The following CERS3 variants were observed in gnomAD, a reference collection of about 807,000 sequenced individuals.
The protein encoded by CERS3 is ceramide synthase 3.
A neutral mutation model predicts 50.3 loss-of-function variants in CERS3; 33 were observed. The ratio of observed to expected loss-of-function variants is 0.66; its 90% CI spans 0.50 to 0.88. The LOEUF is 0.88. Ranked by LOEUF, CERS3 falls within the 40% of genes least tolerant of loss-of-function variation. The pLI, the probability that CERS3 is intolerant of heterozygous loss-of-function variation, is 0.00. For synonymous variants in CERS3, 176 were observed against 155.2 expected (o/e 1.13, Z -0.99); for missense variants, 470 against 460.3 (o/e 1.02, Z -0.19).
intron 1 of CERS3, among the ~76,000 whole-genome samples, chr15:100,523,377 CT>C (rs1340418299): frequency 6.6e-6 from 1 of 152,078 alleles, no homozygotes; most frequent in Non-Finnish European, 1.5e-5. Context: ...ATTTACAGAT[CT>C]TTTTCATCAT....
chr15:100,488,237 A>G (rs909604489), intron 4 of CERS3, among the ~76,000 whole-genome samples: 2 of 152,254 alleles, frequency 1.3e-5, no homozygotes, highest in Admixed American at 1.3e-4. Flanking sequence ...AGTAGATGTC[A>G]TATGCATGGA....
intron 11 of CERS3, among the ~76,000 whole-genome samples, chr15:100,404,168 G>A (rs1208874047): frequency 6.6e-5 from 10 of 152,114 alleles, no homozygotes; most frequent in Admixed American, 6.5e-4. Context: ...AAAAGAACAC[G>A]ACCCTGCTAA....
At chr15:100,534,196 T>G (rs558131778) in intron 1 of CERS3, among the ~76,000 whole-genome samples, 1 of 152,278 alleles carries the variant, frequency 6.6e-6, no homozygotes, top group East Asian at 1.9e-4. Flanking sequence ...AGGACAGGAC[T>G]CAACTTGCCT....
intron 8 of CERS3, among the ~76,000 whole-genome samples, chr15:100,474,692 T>C (rs558677884): frequency 6.6e-6 from 1 of 152,388 alleles, no homozygotes; most frequent in East Asian, 1.9e-4. Context: ...CGTGAGCCTC[T>C]GCGCCCAGCC....
chr15:100,445,165 C>T (rs1187578036), intron 11 of CERS3, among the ~76,000 whole-genome samples: 1 of 150,544 alleles, frequency 6.6e-6, no homozygotes, highest in Non-Finnish European at 1.5e-5. Flanking sequence ...TGTATAGACG[C>T]TCCTTTTTAT....
At chr15:100,431,638 GT>G (rs1408072568) in intron 11 of CERS3, among the ~76,000 whole-genome samples, 1 of 152,208 alleles carries the variant, frequency 6.6e-6, no homozygotes, top group East Asian at 1.9e-4. Flanking sequence ...CATTTTTCCA[GT>G]GGGGAGAAGA....
At chr15:100,530,509 C>T (rs2036911836), upstream of CERS3, among the ~76,000 whole-genome samples, 1 of 152,182 alleles carries the variant, frequency 6.6e-6, no homozygotes. Flanking sequence ...AGCCTCGGCC[C>T]TCTCTGTTCT....
intron 11 of CERS3, among the ~76,000 whole-genome samples, chr15:100,433,454 T>C (rs560425702): frequency 2.0e-5 from 3 of 152,118 alleles, no homozygotes; most frequent in South Asian, 2.1e-4. Flanking sequence ...AAAAAATATA[T>C]ACAAATTCCC....
At chr15:100,538,866 G>C (rs2037134786) in intron 1 of CERS3, among the ~76,000 whole-genome samples, 1 of 152,132 alleles carries the variant, frequency 6.6e-6, no homozygotes, top group Non-Finnish European at 1.5e-5. Flanking sequence ...CAAATTTTCT[G>C]AGCCTGTATG....
intron 3 of CERS3, among the ~76,000 whole-genome samples, chr15:100,492,351 G>C (rs1239219714): frequency 6.6e-6 from 1 of 152,080 alleles, no homozygotes; most frequent in Non-Finnish European, 1.5e-5. Context: ...CTTTAATTCT[G>C]TCAGTTTTTA....
At chr15:100,410,191 C>A (rs961298531) in intron 11 of CERS3, among the ~76,000 whole-genome samples, 1 of 152,310 alleles carries the variant, frequency 6.6e-6, no homozygotes, top group East Asian at 1.9e-4. Context: ...CTGCCCCCAA[C>A]GACTCCCTTT....
chr15:100,431,450 GT>G (rs915532457), intron 11 of CERS3, among the ~76,000 whole-genome samples: 10 of 151,428 alleles, frequency 6.6e-5, no homozygotes, highest in Non-Finnish European at 1.0e-4. Flanking sequence ...ATTTTTATCA[GT>G]TTTTTTTTCT....
chr15:100,521,932 T>C (rs1419959784), intron 1 of CERS3, among the ~76,000 whole-genome samples, 176 bp from the exon 2 acceptor site: 4 of 152,192 alleles, frequency 2.6e-5, no homozygotes, highest in Non-Finnish European at 1.5e-5. Flanking sequence ...TTTAAAACAA[T>C]TTGAGCCAAC....
intron 11 of CERS3, among the ~76,000 whole-genome samples, chr15:100,422,741 A>G (rs2032531700): frequency 8.4e-6 from 1 of 119,344 alleles, no homozygotes; most frequent in Non-Finnish European, 1.7e-5. Context: ...TACACCATGG[A>G]ATACTATGCA....
intron 10 of CERS3, among the ~76,000 whole-genome samples, chr15:100,461,433 A>G (rs2034548715): frequency 6.6e-6 from 1 of 152,154 alleles, no homozygotes. Flanking sequence ...CAAGATTTCA[A>G]TCAGGGCTCC....
intron 4 of CERS3, among the ~76,000 whole-genome samples, chr15:100,490,084 G>T (rs2035606994): frequency 6.6e-6 from 1 of 152,172 alleles, no homozygotes; most frequent in Non-Finnish European, 1.5e-5. Context: ...CATCATAGAG[G>T]TTGTATCACT....
chr15:100,520,786 G>C (rs1567680094), intron 2 of CERS3, among the ~76,000 whole-genome samples: 1 of 152,116 alleles, frequency 6.6e-6, no homozygotes, highest in Non-Finnish European at 1.5e-5. Context: ...GGGCAGGGTG[G>C]GGAGGAGGGG....
At chr15:100,432,911 C>G (rs1260221977) in intron 11 of CERS3, among the ~76,000 whole-genome samples, 1 of 152,148 alleles carries the variant, frequency 6.6e-6, no homozygotes, top group African/African-American at 2.4e-5. Flanking sequence ...GTCAAGGTCA[C>G]TTGCAAGGTA....
intron 2 of CERS3, among the ~76,000 whole-genome samples, chr15:100,507,915 G>T (rs1053172621): frequency 1.8e-4 from 27 of 152,340 alleles, no homozygotes; most frequent in African/African-American, 6.5e-4. Flanking sequence ...GGTTTCCACT[G>T]TCATCCAAGT....
Sources: gnomAD v4.1 joint callset for allele counts (sites outside exome capture counted in the v4.1 genomes callset) on GRCh38, gnomAD v4.1.1 for gene constraint, MANE v1.5 for transcripts, NCBI Gene and HGNC (gene_info 2026-07-23, HGNC 2026-07-21) for gene names.